Variants in CENPP observed in about 807,000 individuals in gnomAD.
CENPP encodes centromere protein P.
In CENPP, 24 loss-of-function variants were observed where a neutral mutation model predicts 35.6. That is an observed-to-expected ratio of 0.67 (90% CI 0.49 to 0.95). The LOEUF (loss-of-function observed/expected upper bound fraction) is 0.95. Among genes scored for constraint, CENPP ranks in the 40% least tolerant of loss-of-function variants. CENPP has a pLI of 0.00. For missense variants in CENPP, 332 were observed against 345.3 expected, an observed-to-expected ratio of 0.96 and a Z score of 0.31; for synonymous variants, 120 against 125.5, an observed-to-expected ratio of 0.96 and a Z score of 0.29.
intron 5 of CENPP, among the ~76,000 whole-genome samples, chr9:92,555,417 C>T (rs1449179147): frequency 1.3e-5 from 2 of 150,892 alleles, no homozygotes; most frequent in Non-Finnish European, 3.0e-5. Flanking sequence ...TCAGTAGAAA[C>T]GGGATTTCAC....
chr9:92,453,964 A>C (rs1384516605), intron 5 of CENPP, among the ~76,000 whole-genome samples: 2 of 152,168 alleles, frequency 1.3e-5, no homozygotes, highest in Non-Finnish European at 2.9e-5. Flanking sequence ...TCAGGAAAAA[A>C]AAGAAAAAAA....
intron 5 of CENPP, among the ~76,000 whole-genome samples, chr9:92,534,394 C>G (rs1332531213): frequency 6.6e-6 from 1 of 152,180 alleles, no homozygotes; most frequent in Non-Finnish European, 1.5e-5. Context: ...AGTTCATAGT[C>G]TGACTTGCCA....
intron 4 of CENPP, among the ~76,000 whole-genome samples, chr9:92,353,455 A>C (rs1841515207): frequency 6.6e-6 from 1 of 152,162 alleles, no homozygotes; most frequent in African/African-American, 2.4e-5. Context: ...AACCTTACTT[A>C]CAGGGCTTGG....
intron 5 of CENPP, among the ~76,000 whole-genome samples, chr9:92,422,014 TATA>T (rs752906568): frequency 6.6e-6 from 1 of 152,140 alleles, no homozygotes; most frequent in Non-Finnish European, 1.5e-5. Flanking sequence ...TGTATAATTT[TATA>T]ATATTTTATT....
intron 5 of CENPP, among the ~76,000 whole-genome samples, chr9:92,556,796 T>A (rs1021506388): frequency 2.0e-5 from 3 of 152,238 alleles, no homozygotes; most frequent in Non-Finnish European, 4.4e-5. Flanking sequence ...TCTGCTGTTG[T>A]GTATCTTTTA....
rs746243034 is a variant in CENPP at position 92,510,078 on chromosome 9, C to G, written c.565-101236C>G. ...AAGTTACTTTTTTATCTAGTCACAG[C>G]TGTGCAGTCACATTTCATATAATGG... On this transcript the variant is annotated intron_variant, in intron 5 of 7. Coordinates refer to ENST00000375587, the MANE Select transcript of CENPP (RefSeq NM_001012267.3). 14 of 1,561,830 alleles carry G rather than the reference C, an allele frequency of 9.0e-6. No individual in the cohort carries two copies. In the East Asian group the frequency reaches 3.2e-4, roughly 35 times the overall value.
At chr9:92,394,071 T>C (rs766570341) in intron 5 of CENPP, among the ~76,000 whole-genome samples, 6 of 152,216 alleles carry the variant, frequency 3.9e-5, no homozygotes, top group Non-Finnish European at 7.3e-5. Flanking sequence ...CATTGTACTT[T>C]CATATACTAG....
chr9:92,330,890 A>G (rs1840725216), intron 1 of CENPP, among the ~76,000 whole-genome samples: 1 of 152,010 alleles, frequency 6.6e-6, no homozygotes, highest in Non-Finnish European at 1.5e-5. Flanking sequence ...GGGTTTCACC[A>G]TATTGGCCAG....
In CENPP at chr9:92,612,635, G is replaced by T. The variant is rs777620097; in HGVS notation, c.736+21G>T. Reference sequence around the variant, plus strand: ...GCGAGGTAGGGCCCTGGGTGTGGCTGCTCTAGGTGACTTCTCAACATGCCC... The same window carrying T: ...GCGAGGTAGGGCCCTGGGTGTGGCTTCTCTAGGTGACTTCTCAACATGCCC... On this transcript the variant is annotated intron_variant, in intron 7 of 7. Coordinates refer to ENST00000375587, the MANE Select transcript of CENPP (RefSeq NM_001012267.3). 10 of 1,588,584 alleles carry T rather than the reference G, an allele frequency of 6.3e-6. No individual in the cohort carries two copies. The African/African-American group carries it at 1.3e-4, about 21-fold the overall frequency.
At chr9:92,333,994 A>G (rs1840839265) in intron 2 of CENPP, among the ~76,000 whole-genome samples, 1 of 152,162 alleles carries the variant, frequency 6.6e-6, no homozygotes, top group African/African-American at 2.4e-5. Context: ...TTCTTTTGGA[A>G]TTTCCTTCAG....
chr9:92,488,512 C>T (rs1424782234), intron 5 of CENPP, among the ~76,000 whole-genome samples: 1 of 152,142 alleles, frequency 6.6e-6, no homozygotes, highest in Non-Finnish European at 1.5e-5. Context: ...ATAGAGGATC[C>T]ATTATAGCTT....
intron 5 of CENPP, among the ~76,000 whole-genome samples, chr9:92,450,847 T>C (rs1258914754): frequency 2.6e-5 from 4 of 152,354 alleles, no homozygotes; most frequent in South Asian, 4.1e-4. Flanking sequence ...TGATGGTCAG[T>C]GATGGTGAGC....
chr9:92,581,384 A>G (rs143613762), intron 5 of CENPP, among the ~76,000 whole-genome samples: 17 of 151,900 alleles, frequency 1.1e-4, no homozygotes, highest in African/African-American at 3.9e-4. Context: ...TAAGATCCAA[A>G]ATATATATAT....
At position 92,483,333 on chromosome 9, in the gene CENPP, A is replaced by G. The variant is rs192726784; in HGVS notation, c.564+103474A>G. 5.9e-5 allele frequency among the ~76,000 whole-genome samples: 9 copies of G among 151,584 alleles called. No homozygotes were observed. The East Asian group carries it at 1.7e-3, about 29-fold the overall frequency. On this transcript the variant is annotated intron_variant, in intron 5 of 7. Coordinates refer to ENST00000375587, the MANE Select transcript of CENPP (RefSeq NM_001012267.3). ...AAGCTCTGCCTCCCAGGTTCACGCC[A>G]TTCTCCTGCCTCAGCCTCCCGAGTA...
At chr9:92,343,302 T>C (rs1841178461) in intron 3 of CENPP, among the ~76,000 whole-genome samples, 1 of 152,146 alleles carries the variant, frequency 6.6e-6, no homozygotes, top group African/African-American at 2.4e-5. Context: ...TCCAAGGTGG[T>C]TGGGACATAG....
intron 5 of CENPP, among the ~76,000 whole-genome samples, chr9:92,483,870 G>C (rs2131108433): frequency 6.6e-6 from 1 of 152,324 alleles, no homozygotes; most frequent in East Asian, 1.9e-4. Context: ...AGTCCCATTA[G>C]TGGCCCTCTG....
intron 5 of CENPP, among the ~76,000 whole-genome samples, chr9:92,490,140 C>T (rs1336920739): frequency 6.6e-6 from 1 of 152,212 alleles, no homozygotes; most frequent in Admixed American, 6.5e-5. Flanking sequence ...CCAGCACCTC[C>T]ACAGGATATC....
intron 5 of CENPP, among the ~76,000 whole-genome samples, chr9:92,545,316 G>A (rs986285771): frequency 6.6e-6 from 1 of 152,198 alleles, no homozygotes; most frequent in Non-Finnish European, 1.5e-5. Flanking sequence ...GCACTTGCAG[G>A]CCAGCTAGAG....
intron 5 of CENPP, among the ~76,000 whole-genome samples, chr9:92,492,536 A>G (rs972469715): frequency 5.9e-5 from 9 of 152,198 alleles, no homozygotes; most frequent in Non-Finnish European, 8.8e-5. Flanking sequence ...AATGGCTTCT[A>G]AGGAGATGTA....
Sources: gnomAD v4.1 joint callset for allele counts (sites outside exome capture counted in the v4.1 genomes callset) on GRCh38, gnomAD v4.1.1 for gene constraint, MANE v1.5 for transcripts, NCBI Gene and HGNC (gene_info 2026-07-23, HGNC 2026-07-21) for gene names.